DCC: variants seen among roughly 807,000 people sequenced by gnomAD.
The protein encoded by DCC is netrin receptor DCC.
DCC carries 58 observed loss-of-function variants against 172.5 expected under a neutral mutation model. That is an observed-to-expected ratio of 0.34 (90% CI 0.27 to 0.42). DCC has a LOEUF of 0.42. DCC is among the 10% of genes least tolerant of loss of function. DCC has a pLI of 1.00. For missense variants in DCC, 1,740 were observed against 1,791.0 expected, an observed-to-expected ratio of 0.97 and a Z score of 0.51; for synonymous variants, 709 against 644.5, an observed-to-expected ratio of 1.10 and a Z score of -1.52.
chr18:52,723,652 G>A (rs1198668387), intron 1 of DCC, among the ~76,000 whole-genome samples: 3 of 152,156 alleles, frequency 2.0e-5, no homozygotes, highest in Non-Finnish European at 4.4e-5. Flanking sequence ...CACTTAGCAT[G>A]GCTTTGGAAT....
intron 2 of DCC, among the ~76,000 whole-genome samples, chr18:52,859,564 T>A (rs2039105617): frequency 6.6e-6 from 1 of 152,152 alleles, no homozygotes; most frequent in South Asian, 2.1e-4. Flanking sequence ...AAGGTCTTGT[T>A]TTGCAGATGA....
chr18:53,496,270 T>C (rs1404807599), intron 26 of DCC, among the ~76,000 whole-genome samples: 1 of 152,120 alleles, frequency 6.6e-6, no homozygotes, highest in Non-Finnish European at 1.5e-5. Flanking sequence ...GCAGCAAACT[T>C]TGCTGTCCTG....
intron 1 of DCC, among the ~76,000 whole-genome samples, chr18:52,508,956 C>A (rs184938785): frequency 6.6e-6 from 1 of 152,358 alleles, no homozygotes; most frequent in East Asian, 1.9e-4. Flanking sequence ...TGAAATGCGA[C>A]TGGCGTCACT....
chr18:52,487,543 G>C (rs115454816), intron 1 of DCC, among the ~76,000 whole-genome samples: 2,372 of 152,194 alleles, frequency 0.016, 46 homozygotes, highest in East Asian at 0.039. Flanking sequence ...GGGCACGGTG[G>C]CTCACGCCTG....
intron 1 of DCC, among the ~76,000 whole-genome samples, chr18:52,729,712 A>C (rs766625165): frequency 1.8e-4 from 27 of 152,228 alleles, no homozygotes; most frequent in Non-Finnish European, 3.4e-4. Context: ...TTTTCAGAGC[A>C]AGAGGGATTG....
chr18:53,249,657 A>G (rs941344834), intron 12 of DCC, among the ~76,000 whole-genome samples: 5 of 151,984 alleles, frequency 3.3e-5, no homozygotes, highest in Admixed American at 6.6e-5. Context: ...TTCCTTGTCT[A>G]TGGAATAATA....
chr18:52,869,311 G>T (rs966113135), intron 2 of DCC, among the ~76,000 whole-genome samples: 5 of 152,208 alleles, frequency 3.3e-5, no homozygotes, highest in Non-Finnish European at 7.3e-5. Flanking sequence ...TGTAGCCAGG[G>T]TGTCCTGATA....
chr18:53,330,583 G>A (rs1023937442), intron 14 of DCC, among the ~76,000 whole-genome samples: 1 of 152,044 alleles, frequency 6.6e-6, no homozygotes. Flanking sequence ...CAGATATGAC[G>A]ATGTCAGTTC....
chr18:53,279,728 T>C (rs1370573927), intron 12 of DCC, among the ~76,000 whole-genome samples: 2 of 150,078 alleles, frequency 1.3e-5, no homozygotes, highest in Non-Finnish European at 3.0e-5. Context: ...ACATGATACA[T>C]ATACACCATG....
chr18:52,692,373 T>C (rs1423515219), intron 1 of DCC, among the ~76,000 whole-genome samples: 2 of 152,126 alleles, frequency 1.3e-5, no homozygotes, highest in East Asian at 3.9e-4. Context: ...CTCTGCCCTA[T>C]AGACATTCTG....
intron 15 of DCC, among the ~76,000 whole-genome samples, chr18:53,355,648 T>C (rs576931130): frequency 2.0e-5 from 3 of 152,180 alleles, no homozygotes; most frequent in Admixed American, 6.5e-5. Flanking sequence ...TGAAGTTGCT[T>C]ATCAGCTTAA....
chr18:53,345,240 G>C (rs1418066516), intron 15 of DCC, among the ~76,000 whole-genome samples: 1 of 151,868 alleles, frequency 6.6e-6, no homozygotes, highest in Non-Finnish European at 1.5e-5. Context: ...TACAAAAACA[G>C]TGGCCCCTCA....
intron 27 of DCC, among the ~76,000 whole-genome samples, chr18:53,520,464 A>G (rs1598843360): frequency 6.6e-6 from 1 of 152,110 alleles, no homozygotes; most frequent in Non-Finnish European, 1.5e-5. Context: ...GTGACTGATC[A>G]GGTCTCAGGC....
chr18:53,365,385 A>C (rs1389340344), intron 15 of DCC, among the ~76,000 whole-genome samples: 2 of 147,096 alleles, frequency 1.4e-5, no homozygotes, highest in Non-Finnish European at 3.0e-5. Context: ...TAGAACTTAA[A>C]GTACAGTAAT....
chr18:52,377,404 C>G (rs1000497945), intron 1 of DCC, among the ~76,000 whole-genome samples: 1 of 152,116 alleles, frequency 6.6e-6, no homozygotes, highest in Non-Finnish European at 1.5e-5. Context: ...TTAATATTCC[C>G]TTAAGTAATT....
chr18:52,871,327 T>A (rs1408942689), intron 2 of DCC, among the ~76,000 whole-genome samples: 1 of 152,070 alleles, frequency 6.6e-6, no homozygotes, highest in South Asian at 2.1e-4. Flanking sequence ...AGTGTCTTTT[T>A]TTTTTTTGGC....
chr18:52,553,948 GAAATAATGCT>G (rs2032843904), intron 1 of DCC, among the ~76,000 whole-genome samples: 2 of 152,182 alleles, frequency 1.3e-5, no homozygotes, highest in Admixed American at 1.3e-4. Flanking sequence ...GAGCCAGGAG[GAAATAATGCT>G]AGGTTCAATT....
chr18:52,468,701 T>A (rs1472805176), intron 1 of DCC, among the ~76,000 whole-genome samples: 1 of 152,228 alleles, frequency 6.6e-6, no homozygotes, highest in East Asian at 1.9e-4. Flanking sequence ...AGAGTTGAAT[T>A]GAGCTTATCC....
chr18:53,431,793 T>C (rs529467773), intron 21 of DCC, among the ~76,000 whole-genome samples: 9 of 152,230 alleles, frequency 5.9e-5, no homozygotes. Context: ...CTTCATATAG[T>C]ACATTTGATC....
Sources: gnomAD v4.1 joint callset for allele counts (sites outside exome capture counted in the v4.1 genomes callset) on GRCh38, gnomAD v4.1.1 for gene constraint, MANE v1.5 for transcripts, NCBI Gene and HGNC (gene_info 2026-07-23, HGNC 2026-07-21) for gene names.